Variants in AHCYL2 observed in about 807,000 individuals in gnomAD.
The protein encoded by AHCYL2 is adenosylhomocysteinase like 2, also known as S-adenosylhomocysteine hydrolase-like protein 2.
A neutral mutation model predicts 81.4 loss-of-function variants in AHCYL2; 28 were observed. That is an observed-to-expected ratio of 0.34 (90% CI 0.25 to 0.47). AHCYL2 has a LOEUF of 0.47. Ranked by LOEUF, AHCYL2 falls within the 20% of genes least tolerant of loss-of-function variation. The probability of loss-of-function intolerance (pLI) is 1.00; values close to 1 mark genes in which losing one functional copy is unlikely to be tolerated. For missense variants in AHCYL2, 551 were observed against 785.1 expected (o/e 0.70, Z 3.56); for synonymous variants, 272 against 290.2 (o/e 0.94, Z 0.64).
At chr7:129,235,944 A>G (rs1315267577) in intron 1 of AHCYL2, among the ~76,000 whole-genome samples, 1 of 149,488 alleles carries the variant, frequency 6.7e-6, no homozygotes, top group Non-Finnish European at 1.5e-5. Flanking sequence ...ATCTGTATGC[A>G]TTTTTGTGTG....
rs1290111937 is a variant in AHCYL2, at chr7:129,419,132, G to C, written c.1462-3708G>C. ...AAGGAGTAGCTCATCAAAAGAGTTG[G>C]TCATTTAGAAAGCTGCATTTTTTTT... is the stretch of plus-strand genomic sequence containing the variant. On this transcript the variant is annotated intron_variant, in intron 12 of 16. Coordinates refer to ENST00000325006, the MANE Select transcript of AHCYL2 (RefSeq NM_015328.4). The surrounding 1 kb of genome is among the most constrained non-coding windows in gnomAD (Gnocchi z 4.7). Among the ~76,000 whole-genome samples, 1 of 152,194 alleles carries C rather than the reference G, an allele frequency of 6.6e-6. No homozygotes were observed. The highest frequency in any genetic ancestry group is 1.5e-5 in the Non-Finnish European group (1 of 68,036).
intron 1 of AHCYL2, 150 bp downstream of exon 1, chr7:129,225,589 A>G: frequency 7.5e-7 from 1 of 1,340,950 alleles, no homozygotes; most frequent in Non-Finnish European, 9.5e-7. Flanking sequence ...TCTCTCAGAG[A>G]TGCCCCCCAG....
intron 1 of AHCYL2, among the ~76,000 whole-genome samples, chr7:129,236,501 C>A (rs766994949): frequency 2.5e-4 from 38 of 151,788 alleles, no homozygotes; most frequent in Non-Finnish European, 3.7e-4. Context: ...GTACCTGGCC[C>A]AGCTAATTTC....
chr7:129,273,345 T>TTTG lies in AHCYL2; in HGVS notation c.363+47906_363+47907insTTG, dbSNP rs1216908926. 2.7e-5 allele frequency among the ~76,000 whole-genome samples: 4 copies of TTTG among 147,376 alleles called. No individual in the cohort carries two copies. In the South Asian group the frequency reaches 6.7e-4, roughly 25 times the overall value. ...ACTTTTTTTTTTTTTTTTTTTTTTT[T>TTTG]GAGACGGAGTTTCGCTCTTGTTGCC... is the stretch of plus-strand genomic sequence containing the variant. On this transcript the variant is annotated intron_variant, in intron 1 of 16. Coordinates refer to ENST00000325006, the MANE Select transcript of AHCYL2 (RefSeq NM_015328.4).
intron 1 of AHCYL2, among the ~76,000 whole-genome samples, chr7:129,293,142 T>A (rs1796927681): frequency 2.8e-5 from 1 of 35,908 alleles, no homozygotes; most frequent in Admixed American, 4.2e-4. Context: ...GAAGACAGAG[T>A]TTTTGGGTTT....
At chr7:129,241,619 T>C (rs1794858061) in intron 1 of AHCYL2, among the ~76,000 whole-genome samples, 1 of 152,058 alleles carries the variant, frequency 6.6e-6, no homozygotes, top group African/African-American at 2.4e-5. Flanking sequence ...TAAAATTTCA[T>C]TTCAAATAGA....
chr7:129,375,597 GT>G lies in AHCYL2; in HGVS notation c.364-4038del, dbSNP rs971109479. On this transcript the variant is annotated intron_variant, in intron 1 of 16. Coordinates refer to ENST00000325006, the MANE Select transcript of AHCYL2 (RefSeq NM_015328.4). ...GGTCAGAGGATCCATGTAATTAGGT[GT>G]TTAGGAAAAAAACAAGTAAAAGCAA... is the stretch of plus-strand genomic sequence containing the variant. 2.8e-5 allele frequency: 37 copies of G among 1,307,226 alleles called. No individual in the cohort carries two copies. The African/African-American group carries it at 5.2e-4, about 18-fold the overall frequency. The allele number at this position is 1,307,226 out of a possible 1,614,324, so 81.0% of individuals were successfully genotyped here.
At chr7:129,265,887 G>A (rs184512834) in intron 1 of AHCYL2, among the ~76,000 whole-genome samples, 23 of 152,314 alleles carry the variant, frequency 1.5e-4, no homozygotes, top group Non-Finnish European at 2.6e-4. Flanking sequence ...TAGCGGTGAC[G>A]ATGAGAGAAG....
intron 1 of AHCYL2, among the ~76,000 whole-genome samples, chr7:129,349,577 G>A (rs764468854): frequency 6.0e-5 from 9 of 150,300 alleles, no homozygotes; most frequent in Non-Finnish European, 8.9e-5. Context: ...GCTTGAACCC[G>A]GGAAGCGGAG....
chr7:129,317,866 G>T (rs1797880171), intron 1 of AHCYL2, among the ~76,000 whole-genome samples: 1 of 152,130 alleles, frequency 6.6e-6, no homozygotes, highest in Non-Finnish European at 1.5e-5. Flanking sequence ...TACTAGGGAA[G>T]ATAGAAATAA....
At chr7:129,319,263 C>G (rs1293547331) in intron 1 of AHCYL2, among the ~76,000 whole-genome samples, 1 of 152,024 alleles carries the variant, frequency 6.6e-6, no homozygotes, top group Non-Finnish European at 1.5e-5. Context: ...CAAGACCAAC[C>G]TGGGCAACAT....
At chr7:129,284,599 CAA>C (rs1232402820) in intron 1 of AHCYL2, among the ~76,000 whole-genome samples, 18 of 53,338 alleles carry the variant, frequency 3.4e-4, no homozygotes, top group South Asian at 7.1e-4. Flanking sequence ...GACTTCGTCT[CAA>C]AAAAAAAAAA....
chr7:129,296,914 AG>A (rs1269521104), intron 1 of AHCYL2, among the ~76,000 whole-genome samples: 1 of 152,266 alleles, frequency 6.6e-6, no homozygotes, highest in Non-Finnish European at 1.5e-5. Context: ...TTCTGAAAAT[AG>A]CCTTATAAAG....
At position 129,260,939 on chromosome 7, in the gene AHCYL2, C is replaced by T. The variant is rs140010221; in HGVS notation, c.363+35500C>T. Among the ~76,000 whole-genome samples, 121 of 152,294 alleles carry T rather than the reference C, an allele frequency of 7.9e-4. 1 individual carries two copies. The highest frequency in any genetic ancestry group is 7.9e-3 in the East Asian group (41 of 5,176). Reference sequence around the variant, plus strand: ...GAGTAGCTGGGATTACAGGCGTACGCCACCACCCTCGGCTAATTTTTTGTA... The same window carrying T: ...GAGTAGCTGGGATTACAGGCGTACGTCACCACCCTCGGCTAATTTTTTGTA... On this transcript the variant is annotated intron_variant, in intron 1 of 16. Transcript: ENST00000325006.
At chr7:129,270,294 T>C (rs1367126591) in intron 1 of AHCYL2, among the ~76,000 whole-genome samples, 1 of 152,172 alleles carries the variant, frequency 6.6e-6, no homozygotes, top group Non-Finnish European at 1.5e-5. Context: ...GTCACCAGAG[T>C]ACAGAGATAC....
chr7:129,293,951 A>AT (rs1219851121), intron 1 of AHCYL2, among the ~76,000 whole-genome samples: 2 of 152,118 alleles, frequency 1.3e-5, no homozygotes, highest in African/African-American at 2.4e-5. Flanking sequence ...AGTCAACGTG[A>AT]TTTTTTACTT....
At chr7:129,311,085 G>A (rs563573282) in intron 1 of AHCYL2, among the ~76,000 whole-genome samples, 26 of 151,134 alleles carry the variant, frequency 1.7e-4, no homozygotes, top group African/African-American at 6.3e-4. Context: ...TCCAGCCTGG[G>A]CAAGAGTGAA....
rs371957539 is a variant in AHCYL2 at position 129,368,511 on chromosome 7, G to C, written c.364-11127G>C. 1.9e-6 allele frequency: 3 copies of C among 1,613,902 alleles called. No homozygotes were observed. The African/African-American group carries it at 4.0e-5, about 22-fold the overall frequency. On this transcript the variant is annotated intron_variant, in intron 1 of 16. Coordinates refer to ENST00000325006, the MANE Select transcript of AHCYL2 (RefSeq NM_015328.4). This position sits in a 1 kb window ranked among gnomAD's most constrained non-coding sequence, Gnocchi z 4.4. ...GCCTGCACTATGGAGAAGTGGGACG[G>C]TAATGAGGGCACCTCAGCTTTTCAC...
chr7:129,429,682 T>G lies in AHCYL2; in HGVS notation c.*2637T>G, dbSNP rs978004937. ...GCCTGGCACTTTTTTGCCTTCTTAA[T>G]GGAGATATTCAGTTTTCTTTTTTTC... On this transcript the variant is annotated 3_prime_UTR_variant, in exon 17 of 17. Coordinates refer to ENST00000325006, the MANE Select transcript of AHCYL2 (RefSeq NM_015328.4). The G allele has an allele frequency of 6.6e-6, 1 of 152,362 alleles. No individual in the cohort carries two copies. The highest frequency in any genetic ancestry group is 2.4e-5 in the African/African-American group (1 of 41,430). The allele number at this position is 152,362 out of a possible 1,614,324, so 9.4% of individuals were successfully genotyped here.
Sources: allele counts gnomAD v4.1 joint callset (sites outside exome capture counted in the v4.1 genomes callset), GRCh38; gene constraint gnomAD v4.1.1; non-coding constraint Gnocchi (gnomAD v3.1); transcripts MANE v1.5; gene names NCBI Gene and HGNC (gene_info 2026-07-23, HGNC 2026-07-21).